The following TNKS variants were observed in gnomAD, a reference collection of about 807,000 sequenced individuals.
TNKS encodes tankyrase.
Under a neutral mutation model 135.8 loss-of-function variants are expected in TNKS, and 72 were observed. The observed-to-expected ratio is 0.53, with a 90% CI of 0.44 to 0.64. The LOEUF (loss-of-function observed/expected upper bound fraction) is 0.64, where lower values mean the gene tolerates loss of function less well. Among genes scored for constraint, TNKS ranks in the 30% least tolerant of loss-of-function variants. The pLI, the probability that TNKS is intolerant of heterozygous loss-of-function variation, is 0.00. For synonymous variants in TNKS, 849 were observed against 649.3 expected (o/e 1.31, Z -4.68); for missense variants, 1,769 against 1,674.0 (o/e 1.06, Z -0.99).
chr8:9,681,900 G>A (rs10102866), intron 5 of TNKS, among the ~76,000 whole-genome samples: 3 of 151,936 alleles, frequency 2.0e-5, no homozygotes, highest in East Asian at 1.9e-4. Context: ...CTTATATATC[G>A]TTACATGGCC....
chr8:9,680,044 G>A, intron 4 of TNKS, 57 bp downstream of exon 4: 1 of 1,319,332 alleles, frequency 7.6e-7, no homozygotes, highest in Non-Finnish European at 1.1e-6. Flanking sequence ...AGAAGGAGGA[G>A]GGCAGGTGGA....
chr8:9,686,924 A>G (rs1803029438), intron 5 of TNKS, among the ~76,000 whole-genome samples: 1 of 152,172 alleles, frequency 6.6e-6, no homozygotes, highest in African/African-American at 2.4e-5. Flanking sequence ...CGACTCTAAC[A>G]TTTCAAGATT....
At chr8:9,766,490 T>TC (rs2128837442) in intron 25 of TNKS, 65 bp downstream of exon 25, 1 of 1,377,266 alleles carries the variant, frequency 7.3e-7, no homozygotes, top group East Asian at 2.5e-5. Flanking sequence ...TGTCTTTTTT[T>TC]TTTTTTTTTT....
chr8:9,734,231 A>G (rs190794050), intron 15 of TNKS, among the ~76,000 whole-genome samples: 2 of 152,284 alleles, frequency 1.3e-5, no homozygotes, highest in Admixed American at 6.5e-5. Context: ...ACTTACAACT[A>G]ATTTCCGCAG....
intron 1 of TNKS, among the ~76,000 whole-genome samples, chr8:9,567,457 C>T (rs1352164127): frequency 6.6e-6 from 1 of 152,212 alleles, no homozygotes; most frequent in Admixed American, 6.5e-5. Flanking sequence ...GCTCTGTCGC[C>T]CAGGCTGGAG....
chr8:9,569,293 A>AGT (rs1797671576), intron 1 of TNKS, among the ~76,000 whole-genome samples: 1 of 152,200 alleles, frequency 6.6e-6, no homozygotes, highest in South Asian at 2.1e-4. Context: ...ACACATCATA[A>AGT]GTGTACCGGG....
intron 1 of TNKS, among the ~76,000 whole-genome samples, chr8:9,559,610 C>T (rs1488832591): frequency 6.6e-6 from 1 of 152,066 alleles, no homozygotes; most frequent in Non-Finnish European, 1.5e-5. Context: ...CCCTACCCTC[C>T]ACCCTTAAGT....
chr8:9,742,605 C>T (rs192363107), intron 17 of TNKS, among the ~76,000 whole-genome samples: 2 of 151,734 alleles, frequency 1.3e-5, no homozygotes, highest in South Asian at 4.2e-4. Flanking sequence ...CTTCTGCAAT[C>T]TCAGCACGTT....
At chr8:9,662,913 A>C (rs1161781305) in intron 3 of TNKS, among the ~76,000 whole-genome samples, 7 of 152,230 alleles carry the variant, frequency 4.6e-5, no homozygotes, top group African/African-American at 1.7e-4. Flanking sequence ...AGAACCTGTA[A>C]CTATGTTACC....
At chr8:9,658,600 G>T (rs1161912884) in intron 3 of TNKS, among the ~76,000 whole-genome samples, 1 of 152,170 alleles carries the variant, frequency 6.6e-6, no homozygotes, top group Non-Finnish European at 1.5e-5. Context: ...AACATGGAAA[G>T]GAACAACCGG....
intron 1 of TNKS, among the ~76,000 whole-genome samples, chr8:9,570,780 A>T (rs1323136482): frequency 6.6e-6 from 1 of 152,146 alleles, no homozygotes; most frequent in Non-Finnish European, 1.5e-5. Flanking sequence ...GGTCATTCTC[A>T]GGGTATGCTC....
chr8:9,769,587 G>A (rs1157843348), intron 25 of TNKS, among the ~76,000 whole-genome samples: 1 of 149,854 alleles, frequency 6.7e-6, no homozygotes, highest in Non-Finnish European at 1.5e-5. Flanking sequence ...TTTTCCACCA[G>A]GCAAAACTTA....
At chr8:9,579,222 TC>T (rs1466020269) in intron 1 of TNKS, among the ~76,000 whole-genome samples, 3 of 152,200 alleles carry the variant, frequency 2.0e-5, no homozygotes, top group Non-Finnish European at 4.4e-5. Flanking sequence ...CCATATCGTT[TC>T]CTCAAACTAA....
chr8:9,664,464 T>C (rs1454839205), intron 3 of TNKS, among the ~76,000 whole-genome samples: 2 of 152,194 alleles, frequency 1.3e-5, no homozygotes, highest in Non-Finnish European at 2.9e-5. Context: ...ACCTCCAACA[T>C]TGGGCATCCA....
intron 1 of TNKS, among the ~76,000 whole-genome samples, chr8:9,567,675 C>T (rs898916248): frequency 1.9e-4 from 29 of 152,170 alleles, no homozygotes; most frequent in Non-Finnish European, 3.1e-4. Context: ...CCTTGGCCTC[C>T]CAAAGTGGTG....
At position 9,704,747 on chromosome 8, in the gene TNKS, A is replaced by G. The variant is rs1156430125; in HGVS notation, c.1192A>G (p.Lys398Glu). The G allele has an allele frequency of 4.3e-6, 7 of 1,612,860 alleles. No individual in the cohort carries two copies. Among genetic ancestry groups the G allele is most frequent in the Non-Finnish European group, 5.1e-6 (6 of 1,179,198 alleles). The change falls in exon 6 of 27, where the codon AAA becomes GAA. Residue 398 changes from lysine to glutamate, a missense_variant. By Grantham distance (56) the Lys-to-Glu change is moderately conservative. Coordinates refer to ENST00000310430, the MANE Select transcript of TNKS (RefSeq NM_003747.3). ...LLQHGADVHAKDKGGLVPLHN... is the reference protein window; with the variant it reads ...LLQHGADVHAEDKGGLVPLHN... The stretch of plus-strand genomic sequence containing the variant: ...TCAGCATGGTGCTGATGTTCATGCA[A>G]AAGACAAAGGGTAGGTCTATCAGTT...
intron 2 of TNKS, among the ~76,000 whole-genome samples, chr8:9,600,066 G>A (rs1227796540): frequency 6.6e-6 from 1 of 152,082 alleles, no homozygotes; most frequent in Non-Finnish European, 1.5e-5. Context: ...TGTCCTAACA[G>A]CCCTATGAGA....
chr8:9,583,477 A>T (rs1256691785), intron 2 of TNKS, among the ~76,000 whole-genome samples: 1 of 151,988 alleles, frequency 6.6e-6, no homozygotes, highest in Admixed American at 6.6e-5. Context: ...TTTTCTGAAT[A>T]TATGCTATAT....
At chr8:9,756,621 C>T (rs1479320449) in intron 20 of TNKS, among the ~76,000 whole-genome samples, 1 of 152,068 alleles carries the variant, frequency 6.6e-6, no homozygotes, top group Admixed American at 6.5e-5. Context: ...AGTCTTGAAG[C>T]AACATGTCTA....
Sources: gnomAD v4.1 joint callset for allele counts (sites outside exome capture counted in the v4.1 genomes callset) on GRCh38, gnomAD v4.1.1 for gene constraint, MANE v1.5 for transcripts, NCBI Gene and HGNC (gene_info 2026-07-23, HGNC 2026-07-21) for gene names.